BLTP3B: variants seen among roughly 807,000 people sequenced by gnomAD.
The protein encoded by BLTP3B is bridge-like lipid transfer protein family member 3B.
At chr12:100,093,354 T>C in the BLTP3B span, among the ~76,000 whole-genome samples, 1 of 146,172 alleles carries the variant, frequency 6.8e-6, no homozygotes, top group Non-Finnish European at 1.5e-5. Flanking sequence ...GCAGTTTTGT[T>C]TTAGCCATGT....
At chr12:100,065,419 T>C in the BLTP3B span, among the ~76,000 whole-genome samples, 1 of 152,200 alleles carries the variant, frequency 6.6e-6, no homozygotes, top group Non-Finnish European at 1.5e-5. Context: ...GCAGAGAGCC[T>C]ATAAACGGAC....
the BLTP3B span, chr12:100,082,973 C>G: frequency 1.4e-6 from 2 of 1,436,024 alleles, no homozygotes; most frequent in Non-Finnish European, 2.0e-6. Context: ...AGATGAGATA[C>G]TAAAGTGTTT....
the BLTP3B span, among the ~76,000 whole-genome samples, chr12:100,115,566 T>C: frequency 6.6e-6 from 1 of 152,194 alleles, no homozygotes; most frequent in Admixed American, 6.5e-5. Flanking sequence ...GCTCAGGAGT[T>C]TCAGGCAAGC....
the BLTP3B span, among the ~76,000 whole-genome samples, chr12:100,098,919 C>T: frequency 2.9e-5 from 4 of 139,706 alleles, no homozygotes; most frequent in African/African-American, 5.1e-5. Flanking sequence ...AAAATATAGA[C>T]AGATAGATAG....
chr12:100,061,656 CAAAAAAA>C, the BLTP3B span, among the ~76,000 whole-genome samples: 1 of 67,314 alleles, frequency 1.5e-5, no homozygotes, highest in African/African-American at 5.2e-5. Context: ...GACTCCGTCT[CAAAAAAA>C]AAAAAAAAAA....
At chr12:100,097,625 A>G in the BLTP3B span, 13 of 1,106,896 alleles carry the variant, frequency 1.2e-5, no homozygotes, top group Non-Finnish European at 1.6e-5. Flanking sequence ...CATTTTAGAT[A>G]TATTCACCAT....
the BLTP3B span, among the ~76,000 whole-genome samples, chr12:100,040,139 AAATT>A: frequency 2.0e-5 from 3 of 152,208 alleles, no homozygotes; most frequent in Non-Finnish European, 4.4e-5. Context: ...CAAGAAAAAG[AAATT>A]ACTAGAATCA....
At chr12:100,092,729 C>T in the BLTP3B span, 1 of 169,166 alleles carries the variant, frequency 5.9e-6, no homozygotes, top group Non-Finnish European at 1.2e-5. Context: ...AACCTTCAAT[C>T]TATTAGTCTT....
chr12:100,086,393 G>A, the BLTP3B span: 11 of 1,315,276 alleles, frequency 8.4e-6, no homozygotes, highest in South Asian at 1.5e-4. Context: ...GAAATATTAA[G>A]TCAATTATCA....
At chr12:100,106,103 G>A in the BLTP3B span, among the ~76,000 whole-genome samples, 1 of 152,126 alleles carries the variant, frequency 6.6e-6, no homozygotes, top group East Asian at 1.9e-4. Context: ...ATACACTGCT[G>A]GTAGGAATAT....
the BLTP3B span, among the ~76,000 whole-genome samples, chr12:100,130,877 T>C: frequency 2.6e-5 from 4 of 151,250 alleles, no homozygotes; most frequent in Non-Finnish European, 5.9e-5. Flanking sequence ...TGAGCTGAGA[T>C]CGCTCCATGC....
chr12:100,119,694 ATTT>A, the BLTP3B span, among the ~76,000 whole-genome samples: 1 of 152,052 alleles, frequency 6.6e-6, no homozygotes, highest in African/African-American at 2.4e-5. Flanking sequence ...TGAAAATAAT[ATTT>A]TTAAGAAGTG....
the BLTP3B span, chr12:100,059,187 T>C: frequency 6.2e-7 from 1 of 1,614,036 alleles, no homozygotes; most frequent in African/African-American, 1.3e-5. Flanking sequence ...TTGAGAAAAG[T>C]ACACAGCCCA....
At chr12:100,079,683 G>A in the BLTP3B span, among the ~76,000 whole-genome samples, 1 of 152,214 alleles carries the variant, frequency 6.6e-6, no homozygotes, top group Non-Finnish European at 1.5e-5. Context: ...CGTAAGTAAA[G>A]AGAAGCCTAA....
chr12:100,123,989 C>T, the BLTP3B span, among the ~76,000 whole-genome samples: 361 of 152,218 alleles, frequency 2.4e-3, 2 homozygotes, highest in African/African-American at 8.2e-3. Flanking sequence ...ATAGGATAGG[C>T]ATTGTGGCTC....
chr12:100,133,861 C>T, the BLTP3B span, among the ~76,000 whole-genome samples: 1 of 152,224 alleles, frequency 6.6e-6, no homozygotes, highest in African/African-American at 2.4e-5. Flanking sequence ...TGGTACAGTA[C>T]GATAGCTTGA....
chr12:100,074,724 C>T, the BLTP3B span, among the ~76,000 whole-genome samples: 1 of 151,214 alleles, frequency 6.6e-6, no homozygotes, highest in African/African-American at 2.4e-5. Flanking sequence ...TCATATGAAA[C>T]CCAAAAGCCT....
chr12:100,119,631 A>C, the BLTP3B span, among the ~76,000 whole-genome samples: 1 of 152,218 alleles, frequency 6.6e-6, no homozygotes, highest in East Asian at 1.9e-4. Flanking sequence ...GTCCAGAAAA[A>C]GACCCAAATT....
At chr12:100,058,547 T>G in the BLTP3B span, 3 of 1,612,616 alleles carry the variant, frequency 1.9e-6, no homozygotes, top group Non-Finnish European at 1.7e-6. Flanking sequence ...TAATTTGTTT[T>G]CTTTTTGAAG....
Sources: gnomAD v4.1 joint callset for allele counts (sites outside exome capture counted in the v4.1 genomes callset) on GRCh38, gnomAD v4.1.1 for gene constraint, MANE v1.5 for transcripts, NCBI Gene and HGNC (gene_info 2026-07-23, HGNC 2026-07-21) for gene names.